CLMP: variants seen among roughly 807,000 people sequenced by gnomAD.
CLMP encodes CXADR-like membrane protein.
Under a neutral mutation model 45.2 loss-of-function variants are expected in CLMP, and 27 were observed. The observed-to-expected ratio is 0.60, with a 90% CI of 0.44 to 0.82. CLMP has a LOEUF of 0.82. CLMP is among the 40% of genes least tolerant of loss of function. The probability of loss-of-function intolerance (pLI) is 0.00; values close to 1 mark genes in which losing one functional copy is unlikely to be tolerated. For missense variants in CLMP, 403 were observed against 448.4 expected (o/e 0.90, Z 0.91); for synonymous variants, 167 against 171.4 (o/e 0.97, Z 0.20).
At chr11:123,117,298 C>T (rs2135496007) in intron 1 of CLMP, among the ~76,000 whole-genome samples, 1 of 152,080 alleles carries the variant, frequency 6.6e-6, no homozygotes, top group African/African-American at 2.4e-5. Context: ...CCTCATTTTA[C>T]AGAGTAAAAC....
At chr11:123,094,416 C>T (rs758125403) in intron 2 of CLMP, among the ~76,000 whole-genome samples, 19 of 152,132 alleles carry the variant, frequency 1.2e-4, no homozygotes, top group Non-Finnish European at 2.8e-4. Context: ...CGGCCCAGCC[C>T]AGGGTGCCTA....
intron 2 of CLMP, among the ~76,000 whole-genome samples, chr11:123,092,190 A>G (rs905966283): frequency 1.3e-5 from 2 of 152,014 alleles, no homozygotes; most frequent in Non-Finnish European, 2.9e-5. Context: ...TTTGGGGCAT[A>G]CTGCTACCAT....
At chr11:123,141,173 C>CTTTTTTTTTTTTTTTTTTTTT (rs550888215) in intron 1 of CLMP, among the ~76,000 whole-genome samples, 1 of 80,808 alleles carries the variant, frequency 1.2e-5, no homozygotes, top group Non-Finnish European at 2.2e-5. Context: ...TCAGGCATTC[C>CTTTTTTTTTTTTTTTTTTTTT]TTTTTTTTTT....
In CLMP at chr11:123,195,042, G is replaced by T. The variant is rs1861962943; in HGVS notation, c.-102C>A. ...TCGGGCGAGCTGGGCGCGGCGCCTC[G>T]GGGTGCGCGCGAGGTGGCTGCAGCC... On this transcript the variant is annotated 5_prime_UTR_variant, in exon 1 of 7. Coordinates refer to ENST00000448775, the MANE Select transcript of CLMP (RefSeq NM_024769.5). 1 of 1,198,742 alleles carries T rather than the reference G, an allele frequency of 8.3e-7. No individual in the cohort carries two copies. Among genetic ancestry groups the T allele is most frequent in the East Asian group, 3.2e-5 (1 of 31,658 alleles). The allele number at this position is 1,198,742 out of a possible 1,614,324, so 74.3% of individuals were successfully genotyped here.
chr11:123,189,540 C>G (rs1322450370), intron 1 of CLMP, among the ~76,000 whole-genome samples: 1 of 152,174 alleles, frequency 6.6e-6, no homozygotes, highest in African/African-American at 2.4e-5. Context: ...ATTAATTATA[C>G]TGTCATAATA....
chr11:123,113,006 C>G (rs1860663852), intron 1 of CLMP, among the ~76,000 whole-genome samples: 1 of 151,776 alleles, frequency 6.6e-6, no homozygotes, highest in African/African-American at 2.4e-5. Context: ...ATCTCCTGAC[C>G]TTGTGATCTG....
At chr11:123,154,057 G>A (rs78197563) in intron 1 of CLMP, among the ~76,000 whole-genome samples, 7,673 of 151,978 alleles carry the variant, frequency 0.05, 218 homozygotes, top group Middle Eastern at 0.078. Context: ...GTTGGGATTG[G>A]ACACCTATCA....
At chr11:123,119,930 A>C (rs1215301666) in intron 1 of CLMP, among the ~76,000 whole-genome samples, 2 of 152,032 alleles carry the variant, frequency 1.3e-5, no homozygotes, top group African/African-American at 4.8e-5. Context: ...CAGGTGATCC[A>C]CCCACTCTGG....
intron 1 of CLMP, among the ~76,000 whole-genome samples, chr11:123,128,485 G>T (rs1290861803): frequency 6.6e-6 from 1 of 152,068 alleles, no homozygotes; most frequent in Admixed American, 6.5e-5. Flanking sequence ...AACATAGCGA[G>T]ATCTTGCCTC....
At chr11:123,119,559 T>A (rs1860784260) in intron 1 of CLMP, among the ~76,000 whole-genome samples, 1 of 152,190 alleles carries the variant, frequency 6.6e-6, no homozygotes. Flanking sequence ...CTTTTTCGAA[T>A]AACGTAATGT....
chr11:123,149,959 C>A (rs1385157118), intron 1 of CLMP, among the ~76,000 whole-genome samples: 1 of 151,808 alleles, frequency 6.6e-6, no homozygotes, highest in Non-Finnish European at 1.5e-5. Flanking sequence ...CGCTCGCCAC[C>A]ATGCCTGGCT....
intron 1 of CLMP, among the ~76,000 whole-genome samples, chr11:123,177,433 A>G (rs988035411): frequency 2.6e-5 from 4 of 152,162 alleles, no homozygotes; most frequent in African/African-American, 9.7e-5. Flanking sequence ...TGGAGGACCA[A>G]CACGTTTGGG....
At chr11:123,184,215 C>T (rs1861804300) in intron 1 of CLMP, among the ~76,000 whole-genome samples, 1 of 152,240 alleles carries the variant, frequency 6.6e-6, no homozygotes, top group East Asian at 1.9e-4. Context: ...CTGCCTCAGC[C>T]TCCTGAGTAG....
At chr11:123,156,163 C>A (rs145192755) in intron 1 of CLMP, among the ~76,000 whole-genome samples, 4 of 152,304 alleles carry the variant, frequency 2.6e-5, no homozygotes, top group Admixed American at 1.3e-4. Context: ...TCTCCCCTCA[C>A]GCACAGGCAC....
At chr11:123,131,575 C>T (rs1860988444) in intron 1 of CLMP, among the ~76,000 whole-genome samples, 1 of 151,978 alleles carries the variant, frequency 6.6e-6, no homozygotes, top group Admixed American at 6.6e-5. Flanking sequence ...ACATTGGAGT[C>T]CTGATTCTGA....
chr11:123,117,930 T>C (rs1860739431), intron 1 of CLMP, among the ~76,000 whole-genome samples: 1 of 152,202 alleles, frequency 6.6e-6, no homozygotes, highest in African/African-American at 2.4e-5. Context: ...GGCATTTGTG[T>C]ACAGCACTAA....
At chr11:123,098,825 GC>G (rs1175020428) in intron 1 of CLMP, among the ~76,000 whole-genome samples, 1 of 150,584 alleles carries the variant, frequency 6.6e-6, no homozygotes, top group African/African-American at 2.4e-5. Flanking sequence ...TCGTGCCTCA[GC>G]CTCCCAAGTA....
intron 1 of CLMP, among the ~76,000 whole-genome samples, chr11:123,137,147 CTTTTT>C (rs375816483): frequency 3.8e-4 from 31 of 82,462 alleles, no homozygotes; most frequent in African/African-American, 1.5e-3. Context: ...TTTTCTTTTT[CTTTTT>C]TTTTTTTTTT....
intron 1 of CLMP, among the ~76,000 whole-genome samples, chr11:123,191,789 A>G (rs1329691848): frequency 1.3e-5 from 2 of 152,224 alleles, no homozygotes; most frequent in African/African-American, 4.8e-5. Context: ...CTCTTAACAA[A>G]TAGTTCACAA....
Sources: allele counts gnomAD v4.1 joint callset (sites outside exome capture counted in the v4.1 genomes callset), GRCh38; gene constraint gnomAD v4.1.1; transcripts MANE v1.5; gene names NCBI Gene and HGNC (gene_info 2026-07-23, HGNC 2026-07-21).